The following L3MBTL4 variants were observed in gnomAD, a reference collection of about 807,000 sequenced individuals.
L3MBTL4 encodes lethal(3)malignant brain tumor-like protein 4.
L3MBTL4 carries 70 observed loss-of-function variants against 84.5 expected under a neutral mutation model. The observed-to-expected ratio is 0.83, with a 90% CI of 0.68 to 1.01. The LOEUF (loss-of-function observed/expected upper bound fraction) is 1.01. Ranked by LOEUF, L3MBTL4 falls within the 50% of genes least tolerant of loss-of-function variation. The pLI is 0.00. For synonymous variants in L3MBTL4, 274 were observed against 259.8 expected, an observed-to-expected ratio of 1.05 and a Z score of -0.52; for missense variants, 715 against 754.8, an observed-to-expected ratio of 0.95 and a Z score of 0.62.
chr18:6,386,177 T>G (rs887958568), intron 1 of L3MBTL4, among the ~76,000 whole-genome samples: 1 of 152,174 alleles, frequency 6.6e-6, no homozygotes, highest in East Asian at 1.9e-4. Context: ...GAGGTTTCAC[T>G]GCATTTGAGT....
rs956919715 is a variant in L3MBTL4, at chr18:6,041,593, C to T, written c.1444+39288G>A. On this transcript the variant is annotated intron_variant, in intron 16 of 18. Transcript: ENST00000317931. ...CCTGCTCTTCCTGTGCGTGCATAGG[C>T]TGTCATGAAGGCAGAACGTGTCCAC... Among the ~76,000 whole-genome samples, 6 of 151,694 alleles carry T rather than the reference C, an allele frequency of 4.0e-5. No individual in the cohort carries two copies. The East Asian group carries it at 9.7e-4, about 24-fold the overall frequency.
intron 4 of L3MBTL4, among the ~76,000 whole-genome samples, chr18:6,265,338 A>T (rs1380681838): frequency 6.6e-6 from 1 of 152,210 alleles, no homozygotes; most frequent in Non-Finnish European, 1.5e-5. Flanking sequence ...AGCTGGCAAA[A>T]AGGATTAATA....
chr18:5,969,506 C>A lies in L3MBTL4; in HGVS notation c.1501G>T (p.Val501Leu), dbSNP rs768290365. 4 of 1,613,854 alleles carry A rather than the reference C, an allele frequency of 2.5e-6. No individual in the cohort carries two copies. The highest frequency in any genetic ancestry group is 3.4e-6 in the Non-Finnish European group (4 of 1,179,938). Residue 501 changes from valine to leucine, a missense_variant, in exon 17 of 19, where the codon GTG becomes TTG. By Grantham distance (32) the Val-to-Leu change is conservative. Transcript: ENST00000317931. ...AGGTCCCGAAAAGGGTGGGCTGACA[C>A]CGTGGACATGGACACTGACTGGTGA... ...VLHQSVSMST[V>L]SAHPFRDLPL...
chr18:6,035,680 G>T (rs1215582362), intron 16 of L3MBTL4, among the ~76,000 whole-genome samples: 6 of 150,808 alleles, frequency 4.0e-5, no homozygotes, highest in African/African-American at 7.3e-5. Flanking sequence ...TTCCAATTCT[G>T]TGAAGAAAGT....
chr18:6,027,421 T>C (rs1160540536), intron 16 of L3MBTL4, among the ~76,000 whole-genome samples: 1 of 152,260 alleles, frequency 6.6e-6, no homozygotes, highest in Non-Finnish European at 1.5e-5. Flanking sequence ...CACATTTTCT[T>C]TGTCCAGTCT....
At chr18:6,096,179 T>C (rs1319482326) in intron 14 of L3MBTL4, among the ~76,000 whole-genome samples, 1 of 152,156 alleles carries the variant, frequency 6.6e-6, no homozygotes, top group Non-Finnish European at 1.5e-5. Context: ...TGTAGACAGC[T>C]ACCACAGACC....
chr18:5,976,129 C>T (rs1047710756), intron 16 of L3MBTL4, among the ~76,000 whole-genome samples: 1 of 152,184 alleles, frequency 6.6e-6, no homozygotes, highest in Non-Finnish European at 1.5e-5. Context: ...CCACTAGCCA[C>T]ACTACAGAGC....
rs778689011 is a variant in L3MBTL4, at chr18:5,969,552, C to T, written c.1455G>A (p.Val485=). 2 of 1,603,242 alleles carry T rather than the reference C, an allele frequency of 1.2e-6. No homozygotes were observed. The highest frequency in any genetic ancestry group is 1.3e-5 in the African/African-American group (1 of 74,846). The stretch of plus-strand genomic sequence containing the variant: ...GGTGAAGCACCTGCTGCGCCTGCTC[C>T]ACCGAGTATTCTGTAAGAGAGGTGG... The part of the protein sequence containing the change: ...DLDNLFREYS[V]EQAQQVLHQS... Residue 485 remains valine (V), a synonymous_variant, in exon 17 of 19, where the codon GTG becomes GTA. Coordinates refer to ENST00000317931, the MANE Select transcript of L3MBTL4 (RefSeq NM_001330559.2).
intron 4 of L3MBTL4, among the ~76,000 whole-genome samples, chr18:6,267,621 C>G (rs538774471): frequency 1.4e-4 from 21 of 152,240 alleles, no homozygotes; most frequent in Non-Finnish European, 2.9e-4. Context: ...TCTACAACAG[C>G]TGTGTTCTTT....
At chr18:6,099,773 A>T (rs2058759639) in intron 14 of L3MBTL4, among the ~76,000 whole-genome samples, 1 of 151,232 alleles carries the variant, frequency 6.6e-6, no homozygotes, top group South Asian at 2.1e-4. Context: ...TCAAAAATTT[A>T]GTACACACAG....
chr18:5,983,528 A>G (rs2053331504), intron 16 of L3MBTL4, among the ~76,000 whole-genome samples: 1 of 152,194 alleles, frequency 6.6e-6, no homozygotes, highest in Non-Finnish European at 1.5e-5. Context: ...GTTAGGGAAT[A>G]GAACAACTTT....
At chr18:6,366,364 T>C (rs2053934471) in intron 1 of L3MBTL4, among the ~76,000 whole-genome samples, 2 of 152,316 alleles carry the variant, frequency 1.3e-5, no homozygotes, top group Non-Finnish European at 1.5e-5. Flanking sequence ...AGAGAACAAA[T>C]TGTGGCTACT....
chr18:6,144,960 A>T (rs934432677), intron 13 of L3MBTL4, among the ~76,000 whole-genome samples: 1 of 152,222 alleles, frequency 6.6e-6, no homozygotes. Context: ...TACACCAGTG[A>T]TCTGTCATGC....
chr18:6,365,883 A>G (rs995096107), intron 1 of L3MBTL4, among the ~76,000 whole-genome samples: 1 of 135,842 alleles, frequency 7.4e-6, no homozygotes, highest in Admixed American at 7.9e-5. Context: ...GCAATATTAC[A>G]CTCTTATATT....
At chr18:6,189,779 C>T (rs537575591) in intron 12 of L3MBTL4, among the ~76,000 whole-genome samples, 1 of 151,228 alleles carries the variant, frequency 6.6e-6, no homozygotes, top group South Asian at 2.1e-4. Flanking sequence ...CTGAAAATAG[C>T]AGAAAAAAAG....
At chr18:6,196,515 C>T (rs80047162) in intron 12 of L3MBTL4, among the ~76,000 whole-genome samples, 1 of 152,112 alleles carries the variant, frequency 6.6e-6, no homozygotes, top group Non-Finnish European at 1.5e-5. Context: ...GCACATAATT[C>T]TTCCTCTTAA....
chr18:6,213,423 G>GT (rs1341148634), intron 11 of L3MBTL4, among the ~76,000 whole-genome samples, 164 bp from the exon 12 acceptor site: 1 of 151,806 alleles, frequency 6.6e-6, no homozygotes, highest in Non-Finnish European at 1.5e-5. Flanking sequence ...GTTTTTGTTT[G>GT]TTTTTTGAGA....
chr18:6,293,543 TA>T lies in L3MBTL4; in HGVS notation c.127+8359del, dbSNP rs199585382. Among the ~76,000 whole-genome samples, 219 of 149,678 alleles carry T rather than the reference TA, an allele frequency of 1.5e-3. 2 individuals are homozygous for T. Among genetic ancestry groups the T allele is most frequent in the Middle Eastern group, 3.4e-3 (1 of 294 alleles). ...TAAGAAATAAATAAAAAGAAATTTG[TA>T]AAAAAAAAATGATATTTCTAGTTTT... On this transcript the variant is annotated intron_variant, in intron 4 of 18. Transcript: ENST00000317931.
Position 6,241,376 on chromosome 18 carries a change from T to C in L3MBTL4, c.534A>G (p.Leu178=). 6.3e-7 allele frequency: 1 copy of C among 1,593,564 alleles called. No individual in the cohort carries two copies. Among genetic ancestry groups the C allele is most frequent in the Non-Finnish European group, 8.6e-7 (1 of 1,165,304 alleles). Residue 178 remains leucine (L), a synonymous_variant, in exon 8 of 19, where the codon TTA becomes TTG. Coordinates refer to ENST00000317931, the MANE Select transcript of L3MBTL4 (RefSeq NM_001330559.2). ...TACTTACAGGACTTCTGTTTCTGAA[T>C]AATTTCTTTGGAGCATTTTGCAATT... The part of the protein sequence containing the change: ...ACKLQNAPKK[L]FRNRSPNGPM...
Sources: allele counts gnomAD v4.1 joint callset (sites outside exome capture counted in the v4.1 genomes callset), GRCh38; gene constraint gnomAD v4.1.1; transcripts MANE v1.5; gene names NCBI Gene and HGNC (gene_info 2026-07-23, HGNC 2026-07-21).